Variants in ANKS3 observed in about 807,000 individuals in gnomAD.
The protein encoded by ANKS3 is ankyrin repeat and sterile alpha motif domain containing 3, also known as ankyrin repeat and SAM domain-containing protein 3.
ANKS3 carries 62 observed loss-of-function variants against 80.7 expected under a neutral mutation model. The observed-to-expected ratio is 0.77, with a 90% CI of 0.63 to 0.95. The LOEUF is 0.95. ANKS3 is among the 40% of genes least tolerant of loss of function. The pLI is 0.00. For missense variants in ANKS3, 1,150 were observed against 883.6 expected (o/e 1.30, Z -3.82); for synonymous variants, 489 against 355.3 (o/e 1.38, Z -4.23).
chr16:4,722,735 T>G lies in ANKS3; in HGVS notation c.573+2015A>C, dbSNP rs181979761. ...GAGTTCAAGAGCAGCCTGGGCAACA[T>G]GGTGAAACCTCATCTCTACTAAAAT... On this transcript the variant is annotated intron_variant, in intron 6 of 17. Coordinates refer to ENST00000304283, the MANE Select transcript of ANKS3 (RefSeq NM_133450.4). Among the ~76,000 whole-genome samples, 57 of 151,342 alleles carry G rather than the reference T, an allele frequency of 3.8e-4. 1 individual carries two copies. In the East Asian group the frequency reaches 0.011, roughly 29 times the overall value.
intron 1 of ANKS3, among the ~76,000 whole-genome samples, chr16:4,732,186 G>C (rs1228671931): frequency 1.3e-5 from 2 of 152,144 alleles, no homozygotes; most frequent in Non-Finnish European, 2.9e-5. Context: ...TCTTCAGCTA[G>C]CAGAGCCCAA....
In ANKS3 at chr16:4,723,484, G is replaced by A. The variant is rs1009562463; in HGVS notation, c.573+1266C>T. Among the ~76,000 whole-genome samples, 11 of 152,212 alleles carry A rather than the reference G, an allele frequency of 7.2e-5. No homozygotes were observed. In the South Asian group the frequency reaches 1.9e-3, roughly 26 times the overall value. ...GTGACCCAGAATGGAGTGTGGCGGC[G>A]CAATCATAGCTCACTGCAACCTCCA... On this transcript the variant is annotated intron_variant, in intron 6 of 17. Transcript: ENST00000304283.
At chr16:4,712,808 C>T (rs2080568166) in intron 7 of ANKS3, among the ~76,000 whole-genome samples, 2 of 152,092 alleles carry the variant, frequency 1.3e-5, no homozygotes, top group South Asian at 4.1e-4. Context: ...AGCAACTAAA[C>T]AAAAGAACGG....
At position 4,705,210 on chromosome 16, in the gene ANKS3, A is replaced by T; in HGVS notation, c.753T>A (p.Ala251=). 1.2e-6 allele frequency: 2 copies of T among 1,614,018 alleles called. No individual in the cohort carries two copies. Among genetic ancestry groups the T allele is most frequent in the Non-Finnish European group, 1.7e-6 (2 of 1,180,032 alleles). ...DLSSSDESCP[A]PQRQRPCRKK... ...TCCGGCAAGGCCTCTGTCTCTGAGG[A>T]GCAGGGCAGGACTCGTCAGAAGAGC... is the stretch of plus-strand genomic sequence containing the variant. Residue 251 remains alanine (A), a synonymous_variant, in exon 8 of 18, where the codon GCT becomes GCA. Transcript: ENST00000304283.
intron 9 of ANKS3, 66 bp from the exon 10 acceptor site, chr16:4,701,609 C>G: frequency 7.1e-7 from 1 of 1,402,180 alleles, no homozygotes; most frequent in African/African-American, 1.4e-5. Flanking sequence ...GGGCGTGCCC[C>G]GGGCTGAGCC....
chr16:4,706,479 C>T (rs1489544762), intron 7 of ANKS3, among the ~76,000 whole-genome samples: 1 of 152,198 alleles, frequency 6.6e-6, no homozygotes, highest in Admixed American at 6.5e-5. Context: ...TTGTGATCCG[C>T]CCACCTTGGC....
In ANKS3 at chr16:4,701,387, C is replaced by G. The variant is rs747944393; in HGVS notation, c.1119+47G>C. On this transcript the variant is annotated intron_variant, in intron 10 of 17. Transcript: ENST00000304283. ...AAGTAACTGGGGGATGTCAGGCATC[C>G]CAGCCAGGGACCGGCTATGGGAGAC... 4.0e-6 allele frequency: 6 copies of G among 1,516,246 alleles called. No individual in the cohort carries two copies. In the Admixed American group the frequency reaches 1.3e-4, roughly 32 times the overall value. 93.9% of individuals were successfully genotyped at this position (1,516,246 alleles called of 1,614,324 possible).
At chr16:4,706,915 G>C (rs1325635869) in intron 7 of ANKS3, among the ~76,000 whole-genome samples, 1 of 152,168 alleles carries the variant, frequency 6.6e-6, no homozygotes, top group African/African-American at 2.4e-5. Context: ...GACAACTCAG[G>C]GCAGGCCAGC....
chr16:4,723,657 T>C (rs1433137111), intron 6 of ANKS3, among the ~76,000 whole-genome samples: 3 of 152,240 alleles, frequency 2.0e-5, no homozygotes, highest in African/African-American at 7.2e-5. Flanking sequence ...TAGGGCCGAA[T>C]AATATCCTGC....
rs115460366 is a variant in ANKS3, at chr16:4,697,879, C to T, written c.1810+98G>A. On this transcript the variant is annotated intron_variant, in intron 15 of 17. Transcript: ENST00000304283. ...CACAGGGACCTGGGAGAGTGGCTGC[C>T]GGCCGGAGAACCAGGCCAAGCCCAC... 7.1e-4 allele frequency: 809 copies of T among 1,146,824 alleles called. 8 individuals are homozygous for T. In the African/African-American group the frequency reaches 0.012, roughly 17 times the overall value. 71.0% of individuals were successfully genotyped at this position (1,146,824 alleles called of 1,614,324 possible).
At chr16:4,702,387 G>C (rs1020752763) in intron 8 of ANKS3, 145 bp from the exon 9 acceptor site, 3 of 881,722 alleles carry the variant, frequency 3.4e-6, no homozygotes, top group Non-Finnish European at 3.1e-6. Flanking sequence ...TATCTGTGGT[G>C]TGTGGGTGGA....
At chr16:4,706,226 C>CT (rs547108512) in intron 7 of ANKS3, among the ~76,000 whole-genome samples, 77 of 149,248 alleles carry the variant, frequency 5.2e-4, no homozygotes, top group South Asian at 6.5e-4. Context: ...TCTGTATTTT[C>CT]TTTTTTTTTT....
chr16:4,699,980 C>G (rs2079809905), intron 11 of ANKS3: 2 of 152,556 alleles, frequency 1.3e-5, no homozygotes, highest in African/African-American at 4.8e-5. Context: ...AGGACACTAC[C>G]CTGACCAGAC....
chr16:4,697,439 G>A (rs780928841), intron 15 of ANKS3, 23 bp from the exon 16 acceptor site: 13 of 1,563,770 alleles, frequency 8.3e-6, no homozygotes, highest in Middle Eastern at 1.7e-4. Flanking sequence ...TGCAGGGACC[G>A]AGTTAGCTGG....
chr16:4,723,278 C>A (rs1450331496), intron 6 of ANKS3, among the ~76,000 whole-genome samples: 1 of 152,224 alleles, frequency 6.6e-6, no homozygotes, highest in East Asian at 1.9e-4. Context: ...ATTTTTATCA[C>A]CCCAATCTTC....
In ANKS3 at chr16:4,701,399, C is replaced by T. The variant is rs151071113; in HGVS notation, c.1119+35G>A. The T allele has an allele frequency of 2.3e-3, 3,601 of 1,533,262 alleles. 9 individuals carry two copies. Among genetic ancestry groups the T allele is most frequent in the Non-Finnish European group, 2.9e-3 (3,241 of 1,134,468 alleles). The allele number at this position is 1,533,262 out of a possible 1,614,324, so 95.0% of individuals were successfully genotyped here. A position where few individuals can be genotyped will look rare whatever the true frequency, so the allele number is the denominator to read the frequency against. On this transcript the variant is annotated intron_variant, in intron 10 of 17. Coordinates refer to ENST00000304283, the MANE Select transcript of ANKS3 (RefSeq NM_133450.4). ...GATGTCAGGCATCCCAGCCAGGGAC[C>T]GGCTATGGGAGACCAAGAAAGAAAG...
At chr16:4,702,313 G>A (rs889804045) in intron 8 of ANKS3, 71 bp from the exon 9 acceptor site, 37 of 1,382,624 alleles carry the variant, frequency 2.7e-5, no homozygotes, top group Non-Finnish European at 3.5e-5. Context: ...CGAGGCCCAG[G>A]ATGGAGGCAG....
At chr16:4,707,269 C>T (rs2080243883) in intron 7 of ANKS3, among the ~76,000 whole-genome samples, 1 of 148,190 alleles carries the variant, frequency 6.7e-6, no homozygotes, top group South Asian at 2.1e-4. Context: ...TTAAATATGA[C>T]ACGGAAGGAC....
At chr16:4,714,426 C>T (rs964374385) in intron 6 of ANKS3, 15 of 554,844 alleles carry the variant, frequency 2.7e-5, no homozygotes, top group East Asian at 1.6e-4. Flanking sequence ...TCATCTCCCA[C>T]GCTCATGACC....
Sources: allele counts gnomAD v4.1 joint callset (sites outside exome capture counted in the v4.1 genomes callset), GRCh38; gene constraint gnomAD v4.1.1; transcripts MANE v1.5; gene names NCBI Gene and HGNC (gene_info 2026-07-23, HGNC 2026-07-21).